Variants in NBPF26 observed in about 807,000 individuals in gnomAD.
The protein encoded by NBPF26 is NBPF member 26.
A neutral mutation model predicts 119.6 loss-of-function variants in NBPF26; 79 were observed. The ratio of observed to expected loss-of-function variants is 0.66; its 90% CI spans 0.55 to 0.80. NBPF26 has a LOEUF of 0.80. Ranked by LOEUF, NBPF26 falls within the 30% of genes least tolerant of loss-of-function variation. NBPF26 has a pLI of 0.00. For synonymous variants in NBPF26, 299 were observed against 457.7 expected, an observed-to-expected ratio of 0.65 and a Z score of 4.43; for missense variants, 800 against 1,198.2, an observed-to-expected ratio of 0.67 and a Z score of 4.91.
rs1651465912 is a variant in NBPF26 at position 120,790,009 on chromosome 1, C to T, written c.416-3152C>T. Among the ~76,000 whole-genome samples, 3 of 62,866 alleles carry T rather than the reference C, an allele frequency of 4.8e-5. 1 individual carries two copies. The highest frequency in any genetic ancestry group is 8.8e-5 in the Non-Finnish European group (3 of 34,174). 41.2% of individuals were successfully genotyped at this position (62,866 alleles called of 152,430 possible). A position where few individuals can be genotyped will look rare whatever the true frequency, so the allele number is the denominator to read the frequency against. On this transcript the variant is annotated intron_variant, in intron 3 of 29. Coordinates refer to ENST00000620612, the Ensembl canonical transcript of NBPF26. ...GGTGTGTTCTGCAAGATTCTGATCACCTTTTTTTTTTTTTTTTTTTTTTTT... is the reference window on the plus strand; with the variant it reads ...GGTGTGTTCTGCAAGATTCTGATCATCTTTTTTTTTTTTTTTTTTTTTTTT...
rs1306260987 is a variant in NBPF26, at chr1:120,762,530, A to T, written c.74-1098A>T. Among the ~76,000 whole-genome samples the T allele has an allele frequency of 1.7e-5, 2 of 114,610 alleles. 1 individual carries two copies. Among genetic ancestry groups the T allele is most frequent in the Non-Finnish European group, 3.4e-5 (2 of 58,412 alleles). 75.2% of individuals were successfully genotyped at this position (114,610 alleles called of 152,430 possible). On this transcript the variant is annotated intron_variant, in intron 1 of 29. Transcript: ENST00000620612. ...GGTTAGAGGAAACTTGGAGGGGGGA[A>T]CTTCTCAGTTTTGCTTTCAGGTATT...
At chr1:120,753,837 TA>T (rs1651049725) in intron 1 of NBPF26, among the ~76,000 whole-genome samples, 1 of 42,924 alleles carries the variant, frequency 2.3e-5, no homozygotes, top group Non-Finnish European at 3.7e-5. Flanking sequence ...AGATTATATA[TA>T]TTTATAAATT....
In NBPF26 at chr1:120,784,924, G is replaced by C. The variant is rs1462379315; in HGVS notation, c.156-50G>C. On this transcript the variant is annotated intron_variant, in intron 2 of 29. Coordinates refer to ENST00000620612, the Ensembl canonical transcript of NBPF26. ...TGTATTGTTTTACTGTAATTTTTTGGACTTACAAGAAGTCAGGTGTTTTCA... is the reference window on the plus strand; with the variant it reads ...TGTATTGTTTTACTGTAATTTTTTGCACTTACAAGAAGTCAGGTGTTTTCA... 2.8e-5 allele frequency: 31 copies of C among 1,108,298 alleles called. 7 individuals carry two copies. The highest frequency in any genetic ancestry group is 3.2e-5 in the Non-Finnish European group (25 of 788,910). The allele number at this position is 1,108,298 out of a possible 1,614,324, so 68.7% of individuals were successfully genotyped here.
chr1:120,817,813 C>A (rs1652041329), intron 14 of NBPF26, among the ~76,000 whole-genome samples: 1 of 102,248 alleles, frequency 9.8e-6, no homozygotes. Context: ...ATCGCAGCAA[C>A]ACTCTTAGAA....
rs1456731060 is a variant in NBPF26 at position 120,800,478 on chromosome 1, A to C, written c.752-5078A>C. On this transcript the variant is annotated intron_variant, in intron 4 of 29. Coordinates refer to ENST00000620612, the Ensembl canonical transcript of NBPF26. ...ACATTCTTGTATAATTTTTTGGTAA[A>C]CATTTATCTTCATATTTCTTGGATA... 1.5e-4 allele frequency among the ~76,000 whole-genome samples: 9 copies of C among 62,000 alleles called. 2 individuals carry two copies. Among genetic ancestry groups the C allele is most frequent in the Non-Finnish European group, 2.4e-4 (9 of 36,942 alleles). The allele number at this position is 62,000 out of a possible 152,430, so 40.7% of individuals were successfully genotyped here.
At chr1:120,727,790 T>A (rs1650831592) in intron 1 of NBPF26, among the ~76,000 whole-genome samples, 1 of 118,038 alleles carries the variant, frequency 8.5e-6, no homozygotes, top group Non-Finnish European at 1.6e-5. Context: ...GCTTTCCTGA[T>A]TTTCCTGTTT....
chr1:120,785,283 T>C, intron 3 of NBPF26, 50 bp downstream of exon 3: 2 of 1,388,312 alleles, frequency 1.4e-6, no homozygotes, highest in Non-Finnish European at 1.9e-6. Context: ...GCAGATACCT[T>C]TATTTAGCAT....
intron 2 of NBPF26, among the ~76,000 whole-genome samples, chr1:120,763,955 G>A (rs1240756306): frequency 8.9e-6 from 1 of 111,832 alleles, no homozygotes; most frequent in Non-Finnish European, 1.7e-5. Flanking sequence ...GCTAGTTAAT[G>A]TATATGGGGT....
At chr1:120,804,546 C>T (rs1651630718) in intron 4 of NBPF26, among the ~76,000 whole-genome samples, 1 of 106,370 alleles carries the variant, frequency 9.4e-6, no homozygotes, top group South Asian at 2.7e-4. Context: ...CAAAACTTCC[C>T]AAGATAGATG....
At chr1:120,809,610 G>C (rs1405552163) in intron 7 of NBPF26, among the ~76,000 whole-genome samples, 2 of 151,246 alleles carry the variant, frequency 1.3e-5, no homozygotes, top group African/African-American at 2.5e-5. Flanking sequence ...GCCACATCTT[G>C]ATGGTGGCCC....
chr1:120,778,065 T>G (rs1651318652), intron 2 of NBPF26, among the ~76,000 whole-genome samples: 1 of 87,132 alleles, frequency 1.1e-5, no homozygotes, highest in Non-Finnish European at 2.0e-5. Flanking sequence ...CTGTTAGCAA[T>G]TACTTTTATC....
chr1:120,784,994 G>C, exon 3 of NBPF26: 1 of 1,421,492 alleles, frequency 7.0e-7, no homozygotes, highest in Non-Finnish European at 9.4e-7. Context: ...GGCTTCTTGG[G>C]GGAATATTGT....
Position 120,767,936 on chromosome 1 carries a change from G to A in NBPF26, c.155+4227G>A, listed in dbSNP as rs1231076131. 9.3e-5 allele frequency among the ~76,000 whole-genome samples: 11 copies of A among 117,988 alleles called. 4 individuals are homozygous for A. The highest frequency in any genetic ancestry group is 5.4e-4 in the African/African-American group (11 of 20,262). 77.4% of individuals were successfully genotyped at this position (117,988 alleles called of 152,430 possible). On this transcript the variant is annotated intron_variant, in intron 2 of 29. Transcript: ENST00000620612. ...CTTAACAACTGGGTTGTCTATGGAT[G>A]TGTTTCTATTTCTATCAACTGCTCC...
chr1:120,840,412 G>A lies in NBPF26; in HGVS notation c.4166G>A (p.Cys1389Tyr), dbSNP rs1663590825. 2.5e-5 allele frequency: 36 copies of A among 1,465,366 alleles called. 6 individuals are homozygous for A. In the South Asian group the frequency reaches 4.1e-4, roughly 17 times the overall value. 90.8% of individuals were successfully genotyped at this position (1,465,366 alleles called of 1,614,324 possible). Residue 1389 changes from cysteine (C) to tyrosine (Y), a missense_variant, in exon 30 of 30, where the codon TGT (cysteine) becomes TAT (tyrosine). Cys to Tyr is a radical substitution (Grantham distance 194). Transcript: ENST00000620612. ...GTCTTGCAGGACTCACTGGATATATGTTATTCGACTCCGTCAATGTACTTT... is the reference window on the plus strand; with the variant it reads ...GTCTTGCAGGACTCACTGGATATATATTATTCGACTCCGTCAATGTACTTT...
rs1357578539 is a variant in NBPF26 at position 120,764,220 on chromosome 1, C to T, written c.155+511C>T. Among the ~76,000 whole-genome samples the T allele has an allele frequency of 4.3e-4, 49 of 114,678 alleles. 13 individuals are homozygous for T. The highest frequency in any genetic ancestry group is 5.7e-4 in the Non-Finnish European group (34 of 59,698). 75.2% of individuals were successfully genotyped at this position (114,678 alleles called of 152,430 possible). On this transcript the variant is annotated intron_variant, in intron 2 of 29. Transcript: ENST00000620612. The stretch of plus-strand genomic sequence containing the variant: ...TGAGACCACATCATTGCACTCTAGC[C>T]TGGGTGACAGAGCAAGACTCCGTCT...
chr1:120,761,564 TTTTA>T (rs1383471075), intron 1 of NBPF26, among the ~76,000 whole-genome samples: 1 of 59,170 alleles, frequency 1.7e-5, no homozygotes, highest in Non-Finnish European at 2.9e-5. Context: ...ACTGTGAGGG[TTTTA>T]TTTATTTATT....
In NBPF26 at chr1:120,724,745, G is replaced by A. The variant is rs1328550550; in HGVS notation, c.73+495G>A. 1.7e-5 allele frequency among the ~76,000 whole-genome samples: 2 copies of A among 120,268 alleles called. 1 individual carries two copies. Among genetic ancestry groups the A allele is most frequent in the African/African-American group, 8.4e-5 (2 of 23,884 alleles). The allele number at this position is 120,268 out of a possible 152,430, so 78.9% of individuals were successfully genotyped here. A position where few individuals can be genotyped will look rare whatever the true frequency, so the allele number is the denominator to read the frequency against. On this transcript the variant is annotated intron_variant, in intron 1 of 29. Coordinates refer to ENST00000620612, the Ensembl canonical transcript of NBPF26. ...TTTGCCAGGGGGCGGCACATGGGCC[G>A]GGTGTGTGGGCTTGGTTTGGATGGG...
intron 1 of NBPF26, among the ~76,000 whole-genome samples, chr1:120,762,656 TCTTAC>T (rs1451352461): frequency 3.4e-5 from 1 of 29,342 alleles, no homozygotes; most frequent in Non-Finnish European, 5.4e-5. Context: ...TTTCTTTCTG[TCTTAC>T]CTTTCCAGTT....
In NBPF26 at chr1:120,804,578, C is replaced by T. The variant is rs1157585006; in HGVS notation, c.752-978C>T. Among the ~76,000 whole-genome samples the T allele has an allele frequency of 4.4e-5, 5 of 114,600 alleles. 1 individual carries two copies. Among genetic ancestry groups the T allele is most frequent in the Non-Finnish European group, 8.5e-5 (5 of 59,016 alleles). The allele number at this position is 114,600 out of a possible 152,430, so 75.2% of individuals were successfully genotyped here. ...GATGGTCACACATGTTTTCAGGAGA[C>T]CTCTATATAAATGATTTGATCACTT... On this transcript the variant is annotated intron_variant, in intron 4 of 29. Coordinates refer to ENST00000620612, the Ensembl canonical transcript of NBPF26.
Sources: allele counts gnomAD v4.1 joint callset (sites outside exome capture counted in the v4.1 genomes callset), GRCh38; gene constraint gnomAD v4.1.1; transcripts MANE v1.5; gene names NCBI Gene and HGNC (gene_info 2026-07-23, HGNC 2026-07-21).